The following PPARGC1A variants were observed in gnomAD, a reference collection of about 807,000 sequenced individuals.
The protein encoded by PPARGC1A is peroxisome proliferator-activated receptor gamma coactivator 1-alpha.
Under a neutral mutation model 88.7 loss-of-function variants are expected in PPARGC1A, and 25 were observed. That is an observed-to-expected ratio of 0.28 (90% confidence interval 0.21 to 0.39). PPARGC1A has a LOEUF of 0.39. Ranked by LOEUF, PPARGC1A falls within the 10% of genes least tolerant of loss-of-function variation. The probability of loss-of-function intolerance (pLI) is 1.00; values close to 1 mark genes in which losing one functional copy is unlikely to be tolerated. For missense variants in PPARGC1A, 880 were observed against 968.7 expected, an observed-to-expected ratio of 0.91 and a Z score of 1.22; for synonymous variants, 363 against 355.6, an observed-to-expected ratio of 1.02 and a Z score of -0.24.
At chr4:24,391,852 A>T in the PPARGC1A span, among the ~76,000 whole-genome samples, 1 of 152,134 alleles carries the variant, frequency 6.6e-6, no homozygotes, top group Non-Finnish European at 1.5e-5. Context: ...TGTCCCACAT[A>T]TTTAACATGT....
At chr4:24,062,706 C>A in the PPARGC1A span, among the ~76,000 whole-genome samples, 1 of 152,204 alleles carries the variant, frequency 6.6e-6, no homozygotes, top group Non-Finnish European at 1.5e-5. Context: ...GAAGCACCAT[C>A]CCATCCCTGG....
At chr4:24,261,438 C>G in the PPARGC1A span, among the ~76,000 whole-genome samples, 1 of 152,160 alleles carries the variant, frequency 6.6e-6, no homozygotes, top group Non-Finnish European at 1.5e-5. Context: ...CCCTTGGAAC[C>G]AAGATACCCA....
the PPARGC1A span, among the ~76,000 whole-genome samples, chr4:24,161,967 C>T: frequency 0.034 from 547 of 16,186 alleles, 9 homozygotes; most frequent in African/African-American, 0.21. Flanking sequence ...GATATACACA[C>T]ACACACACAC....
At chr4:24,274,842 A>G in the PPARGC1A span, among the ~76,000 whole-genome samples, 7 of 152,102 alleles carry the variant, frequency 4.6e-5, no homozygotes, top group East Asian at 1.4e-3. Flanking sequence ...CATGTTTTCC[A>G]TTTGTGTCCC....
intron 2 of PPARGC1A, among the ~76,000 whole-genome samples, chr4:23,867,883 TACA>T (rs1266504223): frequency 2.0e-5 from 3 of 152,282 alleles, no homozygotes; most frequent in East Asian, 1.9e-4. Context: ...ACGAGGAAAC[TACA>T]ACAACAACAA....
the PPARGC1A span, among the ~76,000 whole-genome samples, chr4:24,202,958 T>C: frequency 6.6e-6 from 1 of 152,062 alleles, no homozygotes; most frequent in African/African-American, 2.4e-5. Context: ...ACCAAATCCA[T>C]GGGGAAGAGA....
chr4:24,449,122 G>C, the PPARGC1A span, among the ~76,000 whole-genome samples: 5 of 152,114 alleles, frequency 3.3e-5, no homozygotes, highest in Non-Finnish European at 7.3e-5. Flanking sequence ...CACCAACGAA[G>C]GCAGTTTCCA....
chr4:24,408,373 T>C, the PPARGC1A span, among the ~76,000 whole-genome samples: 1 of 151,882 alleles, frequency 6.6e-6, no homozygotes, highest in Non-Finnish European at 1.5e-5. Context: ...AAAAAACCTA[T>C]AAAATAGCAA....
At chr4:24,372,575 T>C in the PPARGC1A span, among the ~76,000 whole-genome samples, 6 of 152,348 alleles carry the variant, frequency 3.9e-5, no homozygotes, top group Non-Finnish European at 8.8e-5. Flanking sequence ...TTGCCTTGGC[T>C]ACACTTGCAG....
the PPARGC1A span, among the ~76,000 whole-genome samples, chr4:24,436,630 C>T: frequency 6.8e-6 from 1 of 147,520 alleles, no homozygotes; most frequent in African/African-American, 2.6e-5. Context: ...GCCCGGGTCA[C>T]ATTGCTGACA....
At chr4:24,086,626 A>G in the PPARGC1A span, among the ~76,000 whole-genome samples, 3 of 152,106 alleles carry the variant, frequency 2.0e-5, no homozygotes, top group Admixed American at 6.5e-5. Flanking sequence ...TCCCACCATG[A>G]CCTTGCGTTG....
chr4:24,267,754 A>G, the PPARGC1A span, among the ~76,000 whole-genome samples: 1 of 152,212 alleles, frequency 6.6e-6, no homozygotes, highest in Non-Finnish European at 1.5e-5. Flanking sequence ...TCATAAGTTC[A>G]AGGAAGCCAC....
the PPARGC1A span, among the ~76,000 whole-genome samples, chr4:23,977,054 GGAAGAAGAAGAAGAAA>G: frequency 3.3e-5 from 5 of 151,730 alleles, no homozygotes; most frequent in South Asian, 4.2e-4. Context: ...AAGAGGAAGA[GGAAGAAGAAGAAGAAA>G]GAAGAAGAAG....
the PPARGC1A span, among the ~76,000 whole-genome samples, chr4:24,039,598 C>T: frequency 6.6e-6 from 1 of 152,062 alleles, no homozygotes; most frequent in African/African-American, 2.4e-5. Flanking sequence ...CAAGTGAGAA[C>T]ATCTAGGATG....
At chr4:24,362,162 G>C in the PPARGC1A span, among the ~76,000 whole-genome samples, 1 of 152,180 alleles carries the variant, frequency 6.6e-6, no homozygotes, top group Non-Finnish European at 1.5e-5. Context: ...TTCATTCCCA[G>C]TGCCTGCCCT....
intron 2 of PPARGC1A, among the ~76,000 whole-genome samples, chr4:23,838,728 T>C (rs1193095709): frequency 6.6e-6 from 1 of 152,196 alleles, no homozygotes; most frequent in Admixed American, 6.5e-5. Context: ...TTAATTTCAC[T>C]GTCTGAGTAA....
chr4:24,095,419 C>A, the PPARGC1A span, among the ~76,000 whole-genome samples: 1 of 152,038 alleles, frequency 6.6e-6, no homozygotes, highest in South Asian at 2.1e-4. Context: ...CCACCACACC[C>A]GGCCAGAGAT....
chr4:24,037,552 C>T, the PPARGC1A span, among the ~76,000 whole-genome samples: 1 of 152,146 alleles, frequency 6.6e-6, no homozygotes, highest in South Asian at 2.1e-4. Context: ...ATAGAGCCGT[C>T]TATTATAATT....
At chr4:23,862,064 A>G (rs1478073194) in intron 2 of PPARGC1A, among the ~76,000 whole-genome samples, 1 of 152,224 alleles carries the variant, frequency 6.6e-6, no homozygotes, top group Non-Finnish European at 1.5e-5. Flanking sequence ...GAATGTCACA[A>G]ACAGTGCCCA....
Sources: allele counts gnomAD v4.1 joint callset (sites outside exome capture counted in the v4.1 genomes callset), GRCh38; gene constraint gnomAD v4.1.1; transcripts MANE v1.5; gene names NCBI Gene and HGNC (gene_info 2026-07-23, HGNC 2026-07-21).